C9orf72: variants seen among roughly 807,000 people sequenced by gnomAD.
C9orf72 encodes guanine nucleotide exchange factor C9orf72.
Under a neutral mutation model 51.6 loss-of-function variants are expected in C9orf72, and 44 were observed. The observed-to-expected ratio is 0.85, with a 90% CI of 0.67 to 1.10. The LOEUF (loss-of-function observed/expected upper bound fraction) is 1.10. C9orf72 is among the 50% of genes least tolerant of loss of function. The pLI is 0.00. For synonymous variants in C9orf72, 213 were observed against 194.2 expected (o/e 1.10, Z -0.81); for missense variants, 607 against 570.6 (o/e 1.06, Z -0.65).
At chr9:27,560,337 T>C in intron 5 of C9orf72, 38 bp from the exon 6 acceptor site, 2 of 1,499,726 alleles carry the variant, frequency 1.3e-6, no homozygotes, top group Non-Finnish European at 1.8e-6. Context: ...ACATTGCCTA[T>C]AAAACAATTT....
At chr9:27,555,779 T>C (rs1186077841) in intron 8 of C9orf72, among the ~76,000 whole-genome samples, 1 of 151,992 alleles carries the variant, frequency 6.6e-6, no homozygotes, top group African/African-American at 2.4e-5. Context: ...CCCAGGCTGG[T>C]CTGGAACTCC....
chr9:27,563,784 A>T (rs1461737113), intron 3 of C9orf72, among the ~76,000 whole-genome samples: 1 of 152,164 alleles, frequency 6.6e-6, no homozygotes, highest in Non-Finnish European at 1.5e-5. Flanking sequence ...TCCACAACTA[A>T]CTATTCACTG....
chr9:27,564,945 C>G (rs992155534), intron 3 of C9orf72, among the ~76,000 whole-genome samples: 5 of 152,160 alleles, frequency 3.3e-5, no homozygotes, highest in Non-Finnish European at 7.4e-5. Context: ...GCTTCTCAAA[C>G]TCTTAGTGTC....
chr9:27,554,385 G>A (rs1176284560), intron 8 of C9orf72, among the ~76,000 whole-genome samples: 1 of 152,110 alleles, frequency 6.6e-6, no homozygotes, highest in Non-Finnish European at 1.5e-5. Context: ...ACTAATCCAG[G>A]AACAGAAAAC....
At position 27,561,565 on chromosome 9, in the gene C9orf72, A is replaced by T. The variant is rs1819348942; in HGVS notation, c.665+20T>A. On this transcript the variant is annotated intron_variant, in intron 5 of 10. Coordinates refer to ENST00000380003, the MANE Select transcript of C9orf72 (RefSeq NM_018325.5). ...ATGGTATCTGCTTCATCCAGCTTTT[A>T]TGAAAAGAAAAATTCTTACTTGAGA... 6.2e-7 allele frequency: 1 copy of T among 1,610,646 alleles called. No homozygotes were observed. Among genetic ancestry groups the T allele is most frequent in the African/African-American group, 1.3e-5 (1 of 74,810 alleles).
chr9:27,553,672 C>T (rs1291859997), intron 8 of C9orf72, among the ~76,000 whole-genome samples: 2 of 152,070 alleles, frequency 1.3e-5, no homozygotes, highest in Non-Finnish European at 1.5e-5. Flanking sequence ...ATGATGAAGA[C>T]GCCAAAAGCA....
At chr9:27,548,809 A>T in intron 9 of C9orf72, 143 bp from the exon 10 acceptor site, 1 of 558,614 alleles carries the variant, frequency 1.8e-6, no homozygotes, top group East Asian at 2.9e-5. Context: ...CCCTAACAGG[A>T]GTGTGGTATA....
intron 8 of C9orf72, among the ~76,000 whole-genome samples, chr9:27,553,624 G>A (rs1820952447): frequency 6.6e-6 from 1 of 152,104 alleles, no homozygotes; most frequent in Non-Finnish European, 1.5e-5. Context: ...GACAACCTAG[G>A]AAATACCATT....
At chr9:27,566,627 A>T in intron 2 of C9orf72, 50 bp downstream of exon 2, 1 of 1,274,392 alleles carries the variant, frequency 7.8e-7, no homozygotes, top group Non-Finnish European at 1.1e-6. Flanking sequence ...CCAGAAAATA[A>T]GCTTTCAACA....
At chr9:27,568,436 G>T (rs1297158704) in intron 1 of C9orf72, among the ~76,000 whole-genome samples, 1 of 152,088 alleles carries the variant, frequency 6.6e-6, no homozygotes, top group Non-Finnish European at 1.5e-5. Flanking sequence ...GAACATAAAC[G>T]CTCACATCCA....
rs2453563 is a variant in C9orf72 at position 27,548,407 on chromosome 9, C to T, written c.1275G>A (p.Lys425=). 111 of 697,748 alleles carry T rather than the reference C, an allele frequency of 1.6e-4. No homozygotes were observed. Among genetic ancestry groups the T allele is most frequent in the East Asian group, 5.7e-4 (12 of 21,050 alleles). The allele number at this position is 697,748 out of a possible 1,614,324, so 43.2% of individuals were successfully genotyped here. ...TCAGGTTCCGAAGAGATTTAAAGGG[C>T]TTTTTTCCCTTCTGCCTAAAAATAA... is the stretch of plus-strand genomic sequence containing the variant. ...YIEDDTQKGK[K]PFKSLRNLKI... Residue 425 remains lysine, a synonymous_variant, in exon 11 of 11, where the codon AAG becomes AAA. Transcript: ENST00000380003.
At chr9:27,564,930 A>T (rs1408105965) in intron 3 of C9orf72, among the ~76,000 whole-genome samples, 1 of 152,290 alleles carries the variant, frequency 6.6e-6, no homozygotes, top group South Asian at 2.1e-4. Flanking sequence ...CACCCTTGTA[A>T]CCATGCTTCT....
chr9:27,570,419 AAT>A (rs1261725452), intron 1 of C9orf72, among the ~76,000 whole-genome samples: 1 of 152,230 alleles, frequency 6.6e-6, no homozygotes, highest in Non-Finnish European at 1.5e-5. Flanking sequence ...TTACAACTCT[AAT>A]ATTTCATCAT....
chr9:27,548,370 C>T lies in C9orf72; in HGVS notation c.1312G>A (p.Asp438Asn), dbSNP rs761630312. ...TTAAGATCGCCCTCTGCTGTTAAAT[C>T]AAGGTCTATCTTCAGGTTCCGAAGA... ...KSLRNLKIDL[D>N]LTAEGDLNII... Residue 438 changes from aspartate to asparagine, a missense_variant, in exon 11 of 11, where the codon GAT (aspartate) becomes AAT (asparagine). Asp to Asn is a conservative substitution (Grantham distance 23, BLOSUM62 1). Coordinates refer to ENST00000380003, the MANE Select transcript of C9orf72 (RefSeq NM_018325.5). 2.2e-6 allele frequency: 3 copies of T among 1,390,194 alleles called. No homozygotes were observed. Among genetic ancestry groups the T allele is most frequent in the South Asian group, 1.1e-5 (1 of 88,110 alleles). 86.1% of individuals were successfully genotyped at this position (1,390,194 alleles called of 1,614,324 possible).
At chr9:27,569,990 G>T (rs1173965067) in intron 1 of C9orf72, among the ~76,000 whole-genome samples, 1 of 152,208 alleles carries the variant, frequency 6.6e-6, no homozygotes, top group Non-Finnish European at 1.5e-5. Context: ...ATCATATTAT[G>T]AGTAGGCATA....
chr9:27,548,309 C>T lies in C9orf72; in HGVS notation c.1373G>A (p.Gly458Asp). 1.9e-6 allele frequency: 3 copies of T among 1,612,828 alleles called. No homozygotes were observed. The highest frequency in any genetic ancestry group is 2.5e-6 in the Non-Finnish European group (3 of 1,179,320). ...IMALAEKIKP[G>D]LHSFIFGRPF... ...TCTTCCAAAGATAAAAGAGTGTAGG[C>T]CTGGTTTAATTTTCTCAGCCAGAGC... Residue 458 changes from glycine to aspartate, a missense_variant, in exon 11 of 11, where the codon GGC (glycine) becomes GAC (aspartate). Transcript: ENST00000380003.
At chr9:27,559,505 T>C (rs1488710644) in intron 6 of C9orf72, 1 of 149,384 alleles carries the variant, frequency 6.7e-6, no homozygotes, top group Non-Finnish European at 1.5e-5. Context: ...ATATACAAAG[T>C]AGCTGATTAC....
At chr9:27,555,151 T>A (rs1434650173) in intron 8 of C9orf72, among the ~76,000 whole-genome samples, 1 of 152,166 alleles carries the variant, frequency 6.6e-6, no homozygotes, top group African/African-American at 2.4e-5. Context: ...ATTAGAAAAC[T>A]TCTACATGTC....
intron 1 of C9orf72, among the ~76,000 whole-genome samples, chr9:27,572,187 T>G (rs536365601): frequency 6.6e-6 from 1 of 152,376 alleles, no homozygotes; most frequent in Admixed American, 6.5e-5. Context: ...AGGTAAATGC[T>G]GGCTTAGTGA....
Sources: gnomAD v4.1 joint callset for allele counts (sites outside exome capture counted in the v4.1 genomes callset) on GRCh38, gnomAD v4.1.1 for gene constraint, MANE v1.5 for transcripts, NCBI Gene and HGNC (gene_info 2026-07-23, HGNC 2026-07-21) for gene names.